The following SCFD2 variants were observed in gnomAD, a reference collection of about 807,000 sequenced individuals.
The protein encoded by SCFD2 is sec1 family domain-containing protein 2.
Under a neutral mutation model 58.9 loss-of-function variants are expected in SCFD2, and 54 were observed. The ratio of observed to expected loss-of-function variants is 0.92; its 90% CI spans 0.74 to 1.15. The LOEUF (loss-of-function observed/expected upper bound fraction) is 1.15, where lower values mean the gene tolerates loss of function less well. Ranked by LOEUF, SCFD2 falls within the 50% of genes most tolerant of loss-of-function variation. The pLI is 0.00. For synonymous variants in SCFD2, 321 were observed against 335.9 expected (o/e 0.96, Z 0.49); for missense variants, 805 against 836.6 (o/e 0.96, Z 0.47).
chr4:53,278,008 C>T (rs1262921912), intron 3 of SCFD2, among the ~76,000 whole-genome samples: 5 of 149,350 alleles, frequency 3.3e-5, no homozygotes, highest in South Asian at 2.1e-4. Flanking sequence ...AGCGGAGATC[C>T]GGCCACTGCA....
rs375717993 is a variant in SCFD2 at position 53,230,525 on chromosome 4, A to G, written c.1311+43301T>C. On this transcript the variant is annotated intron_variant, in intron 4 of 8. Coordinates refer to ENST00000401642, the MANE Select transcript of SCFD2 (RefSeq NM_152540.4). ...TTCTCAGCAAACTATCGCAAGGACA[A>G]AAAACCAAACACCGCATGTTCTCAC... 7.7e-4 allele frequency among the ~76,000 whole-genome samples: 117 copies of G among 151,686 alleles called. No homozygotes were observed. The East Asian group carries it at 0.021, about 27-fold the overall frequency.
intron 4 of SCFD2, among the ~76,000 whole-genome samples, chr4:53,175,225 GT>G (rs1727293363): frequency 6.6e-6 from 1 of 152,236 alleles, no homozygotes; most frequent in Admixed American, 6.5e-5. Context: ...ACAGAAATAA[GT>G]TTTATTTCTT....
At chr4:52,924,029 T>G (rs375717167) in intron 5 of SCFD2, among the ~76,000 whole-genome samples, 26 of 152,330 alleles carry the variant, frequency 1.7e-4, no homozygotes, top group East Asian at 7.7e-4. Flanking sequence ...AGAAAAAAAG[T>G]TACTAGTTCT....
intron 5 of SCFD2, among the ~76,000 whole-genome samples, chr4:53,059,960 T>C (rs1280890129): frequency 6.6e-6 from 1 of 152,176 alleles, no homozygotes; most frequent in Non-Finnish European, 1.5e-5. Flanking sequence ...TTTTTAATGA[T>C]ACTCCTCTCA....
At position 53,340,939 on chromosome 4, in the gene SCFD2, C is replaced by T. The variant is rs186971144; in HGVS notation, c.1007+11659G>A. ...GAAAACTAACAAACAGAAAGGACAT[C>T]CACACCAAAACCCCATTGTACATCA... On this transcript the variant is annotated intron_variant, in intron 2 of 8. Coordinates refer to ENST00000401642, the MANE Select transcript of SCFD2 (RefSeq NM_152540.4). Among the ~76,000 whole-genome samples the T allele has an allele frequency of 2.6e-3, 399 of 152,184 alleles. 3 individuals are homozygous for T. The highest frequency in any genetic ancestry group is 2.9e-3 in the Non-Finnish European group (200 of 67,996).
At chr4:53,296,812 T>C (rs1268959508) in intron 3 of SCFD2, among the ~76,000 whole-genome samples, 1 of 152,212 alleles carries the variant, frequency 6.6e-6, no homozygotes, top group African/African-American at 2.4e-5. Flanking sequence ...GCTTTAAAAG[T>C]GTCCCAGAGA....
At chr4:53,003,302 G>A (rs942087043) in intron 5 of SCFD2, among the ~76,000 whole-genome samples, 4 of 152,180 alleles carry the variant, frequency 2.6e-5, no homozygotes, top group Admixed American at 1.3e-4. Flanking sequence ...TCAGACTTAC[G>A]TTTTAGAGCT....
chr4:52,965,151 C>T (rs1008305403), intron 5 of SCFD2, among the ~76,000 whole-genome samples: 2 of 152,136 alleles, frequency 1.3e-5, no homozygotes, highest in Non-Finnish European at 2.9e-5. Flanking sequence ...TGTCAGATTT[C>T]GTGTTATTTC....
In SCFD2 at chr4:53,062,811, G is replaced by T. The variant is rs188687041; in HGVS notation, c.1561+82522C>A. 1.8e-3 allele frequency among the ~76,000 whole-genome samples: 277 copies of T among 152,260 alleles called. 2 individuals carry two copies. The highest frequency in any genetic ancestry group is 3.1e-3 in the South Asian group (15 of 4,826). On this transcript the variant is annotated intron_variant, in intron 5 of 8. Coordinates refer to ENST00000401642, the MANE Select transcript of SCFD2 (RefSeq NM_152540.4). ...AAGAGTATTTTCATTTCAAGTGAGAGGAGATGCAAATCACATCTGTGATTA... is the reference window on the plus strand; with the variant it reads ...AAGAGTATTTTCATTTCAAGTGAGATGAGATGCAAATCACATCTGTGATTA...
intron 5 of SCFD2, among the ~76,000 whole-genome samples, chr4:53,099,367 A>G (rs888798553): frequency 1.7e-4 from 26 of 152,306 alleles, no homozygotes; most frequent in African/African-American, 6.3e-4. Context: ...CATAATTATT[A>G]GCCCATTTCC....
intron 5 of SCFD2, among the ~76,000 whole-genome samples, chr4:53,043,272 A>G (rs1337213172): frequency 6.6e-6 from 1 of 152,198 alleles, no homozygotes; most frequent in Non-Finnish European, 1.5e-5. Flanking sequence ...CAAGTGAAAG[A>G]AAAGGGATGG....
At chr4:52,964,449 G>T (rs894138895) in intron 5 of SCFD2, among the ~76,000 whole-genome samples, 3 of 152,134 alleles carry the variant, frequency 2.0e-5, no homozygotes, top group African/African-American at 7.2e-5. Context: ...TATACCAAAA[G>T]GGGGTTCACA....
At chr4:53,125,747 C>T (rs988025878) in intron 5 of SCFD2, among the ~76,000 whole-genome samples, 1 of 152,160 alleles carries the variant, frequency 6.6e-6, no homozygotes. Flanking sequence ...GAAAGACTAC[C>T]CAATAGGATG....
intron 2 of SCFD2, among the ~76,000 whole-genome samples, chr4:53,322,402 T>C (rs1170436118): frequency 6.6e-6 from 1 of 152,166 alleles, no homozygotes; most frequent in African/African-American, 2.4e-5. Flanking sequence ...AGTTACCCTA[T>C]ATGGTCTACA....
chr4:53,278,528 CAA>C (rs34375006), intron 3 of SCFD2, among the ~76,000 whole-genome samples: 14 of 119,308 alleles, frequency 1.2e-4, no homozygotes, highest in Non-Finnish European at 1.4e-4. Flanking sequence ...GACTCCATCT[CAA>C]AAAAAAAAAA....
At chr4:53,076,578 G>A (rs1355106262) in intron 5 of SCFD2, among the ~76,000 whole-genome samples, 2 of 152,162 alleles carry the variant, frequency 1.3e-5, no homozygotes, top group Admixed American at 1.3e-4. Flanking sequence ...AGGAGCAGAG[G>A]TGTTGGTGAA....
chr4:53,244,257 C>T (rs1203572784), intron 4 of SCFD2, among the ~76,000 whole-genome samples: 2 of 152,120 alleles, frequency 1.3e-5, no homozygotes, highest in Non-Finnish European at 2.9e-5. Flanking sequence ...ATATACAGAA[C>T]TCTCCACCCC....
At chr4:53,081,807 C>T (rs796530251) in intron 5 of SCFD2, among the ~76,000 whole-genome samples, 14 of 152,226 alleles carry the variant, frequency 9.2e-5, no homozygotes, top group African/African-American at 3.1e-4. Context: ...GAAACCCAGA[C>T]CCATTAGTTG....
intron 4 of SCFD2, among the ~76,000 whole-genome samples, chr4:53,152,253 A>G (rs79296448): frequency 0.02 from 2,970 of 152,306 alleles, 106 homozygotes; most frequent in African/African-American, 0.068. Context: ...GAGGATATCC[A>G]AATACCATTA....
Sources: gnomAD v4.1 joint callset for allele counts (sites outside exome capture counted in the v4.1 genomes callset) on GRCh38, gnomAD v4.1.1 for gene constraint, MANE v1.5 for transcripts, NCBI Gene and HGNC (gene_info 2026-07-23, HGNC 2026-07-21) for gene names.